Variants in SLC9A9 observed in about 807,000 individuals in gnomAD.
SLC9A9 encodes solute carrier family 9 member A9.
In SLC9A9, 62 loss-of-function variants were observed where a neutral mutation model predicts 77.8. The ratio of observed to expected loss-of-function variants is 0.80; its 90% CI spans 0.65 to 0.98. SLC9A9 has a LOEUF of 0.98. SLC9A9 is among the 50% of genes least tolerant of loss of function. SLC9A9 has a pLI of 0.00. For missense variants in SLC9A9, 775 were observed against 774.9 expected, an observed-to-expected ratio of 1.00 and a Z score of 0.00; for synonymous variants, 320 against 283.5, an observed-to-expected ratio of 1.13 and a Z score of -1.29.
At chr3:143,647,000 C>T (rs2038718012) in intron 6 of SLC9A9, among the ~76,000 whole-genome samples, 1 of 152,016 alleles carries the variant, frequency 6.6e-6, no homozygotes, top group Non-Finnish European at 1.5e-5. Context: ...TGTTTATTAA[C>T]TATTTATATC....
At chr3:143,697,101 C>A (rs115731600) in intron 4 of SLC9A9, among the ~76,000 whole-genome samples, 9,224 of 151,494 alleles carry the variant, frequency 0.061, 390 homozygotes, top group South Asian at 0.12. Context: ...CATATGATGA[C>A]AGACTAACAT....
At chr3:143,749,054 T>G (rs887640281) in intron 4 of SLC9A9, among the ~76,000 whole-genome samples, 1 of 152,156 alleles carries the variant, frequency 6.6e-6, no homozygotes, top group African/African-American at 2.4e-5. Context: ...AGACCTTAAT[T>G]TTGCTTCATG....
At chr3:143,587,771 A>C (rs755586914) in intron 6 of SLC9A9, among the ~76,000 whole-genome samples, 1 of 152,242 alleles carries the variant, frequency 6.6e-6, no homozygotes, top group African/African-American at 2.4e-5. Flanking sequence ...GACACTCTTC[A>C]AAGGCTGCAG....
At chr3:143,325,736 G>C (rs2031575644) in intron 14 of SLC9A9, among the ~76,000 whole-genome samples, 1 of 152,196 alleles carries the variant, frequency 6.6e-6, no homozygotes, top group African/African-American at 2.4e-5. Context: ...ACTATGAGCA[G>C]CAGCCTCAAA....
intron 9 of SLC9A9, among the ~76,000 whole-genome samples, chr3:143,497,329 C>T (rs1312135588): frequency 6.6e-6 from 1 of 152,160 alleles, no homozygotes; most frequent in Non-Finnish European, 1.5e-5. Flanking sequence ...ACTTCATTCC[C>T]TACTCTCAGC....
intron 14 of SLC9A9, among the ~76,000 whole-genome samples, chr3:143,331,473 G>C (rs368046629): frequency 2.6e-5 from 4 of 152,166 alleles, no homozygotes; most frequent in African/African-American, 9.7e-5. Context: ...AACAAAACAG[G>C]CCTAAAGACT....
chr3:143,837,950 A>C (rs2009610739), intron 1 of SLC9A9, among the ~76,000 whole-genome samples: 1 of 152,220 alleles, frequency 6.6e-6, no homozygotes, highest in Non-Finnish European at 1.5e-5. Flanking sequence ...GAACAGAGAA[A>C]AGGAAAGAAC....
intron 4 of SLC9A9, among the ~76,000 whole-genome samples, chr3:143,756,263 A>T (rs565134366): frequency 6.6e-6 from 1 of 152,344 alleles, no homozygotes; most frequent in East Asian, 1.9e-4. Flanking sequence ...TCAGAAAAGA[A>T]AAGCTGATCT....
chr3:143,292,936 A>G (rs2030079242), intron 14 of SLC9A9, among the ~76,000 whole-genome samples: 1 of 152,184 alleles, frequency 6.6e-6, no homozygotes, highest in South Asian at 2.1e-4. Context: ...GGGGGAAATA[A>G]GAAAGACACT....
chr3:143,760,604 C>G (rs943824491), intron 4 of SLC9A9, among the ~76,000 whole-genome samples: 1 of 151,932 alleles, frequency 6.6e-6, no homozygotes, highest in Non-Finnish European at 1.5e-5. Context: ...GCTTCAAAGA[C>G]AATAAAATAC....
intron 4 of SLC9A9, among the ~76,000 whole-genome samples, chr3:143,742,054 C>T (rs1935085662): frequency 1.3e-5 from 2 of 152,036 alleles, no homozygotes; most frequent in African/African-American, 4.8e-5. Context: ...CTAGAGGCTA[C>T]AAGATTCTGA....
intron 13 of SLC9A9, among the ~76,000 whole-genome samples, chr3:143,373,189 C>T (rs573500133): frequency 7.2e-5 from 11 of 152,106 alleles, no homozygotes; most frequent in Non-Finnish European, 1.0e-4. Flanking sequence ...TGTAAAGATA[C>T]GGCACCAACC....
chr3:143,624,812 G>A (rs1480871000), intron 6 of SLC9A9, among the ~76,000 whole-genome samples: 1 of 152,270 alleles, frequency 6.6e-6, no homozygotes, highest in East Asian at 1.9e-4. Context: ...ATTAGGAAGA[G>A]GAAATCAAAT....
At chr3:143,733,864 A>G (rs1205076491) in intron 4 of SLC9A9, among the ~76,000 whole-genome samples, 1 of 152,158 alleles carries the variant, frequency 6.6e-6, no homozygotes, top group Non-Finnish European at 1.5e-5. Context: ...AGGGAGAGAG[A>G]AACACTTTGA....
intron 9 of SLC9A9, among the ~76,000 whole-genome samples, chr3:143,507,654 T>C (rs1351025544): frequency 6.6e-6 from 1 of 152,238 alleles, no homozygotes; most frequent in Non-Finnish European, 1.5e-5. Flanking sequence ...TATCTTTTTG[T>C]CTTTGTAATT....
intron 14 of SLC9A9, among the ~76,000 whole-genome samples, chr3:143,298,393 G>C (rs557025905): frequency 6.6e-6 from 1 of 152,212 alleles, no homozygotes; most frequent in African/African-American, 2.4e-5. Context: ...TCATAGTCCA[G>C]AGCCTTGATG....
chr3:143,506,674 A>G (rs1385717642), intron 9 of SLC9A9, among the ~76,000 whole-genome samples: 1 of 152,150 alleles, frequency 6.6e-6, no homozygotes, highest in Non-Finnish European at 1.5e-5. Context: ...GAATATCTGC[A>G]AAGGCTGGGG....
intron 12 of SLC9A9, among the ~76,000 whole-genome samples, chr3:143,383,097 C>T (rs765732173): frequency 1.0e-3 from 154 of 152,294 alleles, no homozygotes; most frequent in Middle Eastern, 3.4e-3. Flanking sequence ...TGAATATATT[C>T]CTGAATTTCC....
intron 6 of SLC9A9, among the ~76,000 whole-genome samples, chr3:143,613,226 CCTTT>C (rs1431089834): frequency 2.0e-5 from 3 of 152,106 alleles, no homozygotes; most frequent in African/African-American, 4.8e-5. Flanking sequence ...TGTTTTTCTC[CCTTT>C]CTTTCTTTTC....
Sources: allele counts gnomAD v4.1 joint callset (sites outside exome capture counted in the v4.1 genomes callset), GRCh38; gene constraint gnomAD v4.1.1; transcripts MANE v1.5; gene names NCBI Gene and HGNC (gene_info 2026-07-23, HGNC 2026-07-21).